IL1RL1: variants seen among roughly 807,000 people sequenced by gnomAD.
The protein encoded by IL1RL1 is interleukin 1 receptor like 1, also known as interleukin-1 receptor-like 1.
In IL1RL1, 32 loss-of-function variants were observed where a neutral mutation model predicts 50.9. The ratio of observed to expected loss-of-function variants is 0.63; its 90% confidence interval spans 0.47 to 0.84. The LOEUF (loss-of-function observed/expected upper bound fraction) is 0.84, where lower values mean the gene tolerates loss of function less well. Ranked by LOEUF, IL1RL1 falls within the 40% of genes least tolerant of loss-of-function variation. The pLI is 0.00. For missense variants in IL1RL1, 773 were observed against 662.9 expected (o/e 1.17, Z -1.82); for synonymous variants, 275 against 236.0 (o/e 1.17, Z -1.51).
chr2:102,326,679 C>G (rs868308876), intron 1 of IL1RL1, among the ~76,000 whole-genome samples: 5 of 151,240 alleles, frequency 3.3e-5, no homozygotes, highest in African/African-American at 1.2e-4. Context: ...AAATGGAAAA[C>G]AAAAAAAAGG....
At chr2:102,320,446 T>A (rs1676803017) in intron 1 of IL1RL1, among the ~76,000 whole-genome samples, 1 of 152,152 alleles carries the variant, frequency 6.6e-6, no homozygotes. Flanking sequence ...GTCTCATGGG[T>A]TTAATTTCAT....
At chr2:102,321,566 C>T (rs915792261) in intron 1 of IL1RL1, among the ~76,000 whole-genome samples, 5 of 152,088 alleles carry the variant, frequency 3.3e-5, no homozygotes, top group South Asian at 2.1e-4. Flanking sequence ...ATAGCCACTG[C>T]CCCCGACCCT....
At position 102,349,244 on chromosome 2, in the gene IL1RL1, A is replaced by G; in HGVS notation, c.1283A>G (p.Glu428Gly). The G allele has an allele frequency of 6.2e-7, 1 of 1,612,994 alleles. No individual in the cohort carries two copies. ...CIYGRDMLPG[E>G]DVVTAVETNI... ...TATGGGAGAGATATGCTACCTGGAG[A>G]AGGTAAAGCTATTGACATACATTAG... Residue 428 changes from glutamate to glycine, a missense_variant and splice_region_variant, in exon 10 of 11, where the codon GAA becomes GGA. Transcript: ENST00000233954.
At chr2:102,338,714 C>G (rs1256595175) in intron 2 of IL1RL1, 123 bp from the exon 3 acceptor site, 1 of 703,600 alleles carries the variant, frequency 1.4e-6, no homozygotes, top group African/African-American at 1.8e-5. Flanking sequence ...TTATTCTTTC[C>G]CAAGGTATCA....
At chr2:102,325,993 T>C (rs2104969217) in intron 1 of IL1RL1, among the ~76,000 whole-genome samples, 1 of 152,166 alleles carries the variant, frequency 6.6e-6, no homozygotes, top group East Asian at 1.9e-4. Flanking sequence ...ATTCAGGAAA[T>C]ACAGAGAACA....
chr2:102,323,273 A>ATATATATATATATATATAGT lies in IL1RL1; in HGVS notation c.-150+11650_-150+11651insTATATATATATATATATAGT, dbSNP rs1303334375. ...TATATATATATATATATATATATAT[A>ATATATATATATATATATAGT]GTGTGTGTGTGTGTGTGTGTGTATA... On this transcript the variant is annotated intron_variant, in intron 1 of 10. Transcript: ENST00000233954. Among the ~76,000 whole-genome samples the ATATATATATATATATATAGT allele has an allele frequency of 2.0e-3, 98 of 48,414 alleles. 1 individual carries two copies. Among genetic ancestry groups the ATATATATATATATATATAGT allele is most frequent in the South Asian group, 5.3e-3 (8 of 1,510 alleles). The allele number at this position is 48,414 out of a possible 152,430, so 31.8% of individuals were successfully genotyped here. A position where few individuals can be genotyped will look rare whatever the true frequency, so the allele number is the denominator to read the frequency against.
chr2:102,330,735 G>T (rs571546806), intron 1 of IL1RL1, among the ~76,000 whole-genome samples: 43 of 152,220 alleles, frequency 2.8e-4, no homozygotes, highest in Middle Eastern at 3.4e-3. Flanking sequence ...TGAGTATTTT[G>T]TCTGGACTGT....
intron 1 of IL1RL1, among the ~76,000 whole-genome samples, chr2:102,334,471 C>T (rs1170792614): frequency 1.3e-5 from 2 of 152,060 alleles, no homozygotes; most frequent in Non-Finnish European, 2.9e-5. Context: ...CCAGGCTAGG[C>T]CGTCTAGGGG....
Position 102,343,369 on chromosome 2 carries a change from G to A in IL1RL1, c.924G>A (p.Leu308=). 1.2e-6 allele frequency: 2 copies of A among 1,614,198 alleles called. No individual in the cohort carries two copies. The highest frequency in any genetic ancestry group is 1.7e-6 in the Non-Finnish European group (2 of 1,180,032). Residue 308 remains leucine, a synonymous_variant, in exon 8 of 11, where the codon TTG becomes TTA. Coordinates refer to ENST00000233954, the MANE Select transcript of IL1RL1 (RefSeq NM_016232.5). ...LLQYDCLALN[L]HGLRRHTVRL... Reference sequence around the variant, plus strand: ...AGTACGACTGTCTGGCCCTGAATTTGCATGGCTTGAGAAGGCACACCGTAA... The same window carrying A: ...AGTACGACTGTCTGGCCCTGAATTTACATGGCTTGAGAAGGCACACCGTAA...
chr2:102,328,844 C>G (rs1327907471), intron 1 of IL1RL1, among the ~76,000 whole-genome samples: 1 of 152,124 alleles, frequency 6.6e-6, no homozygotes, highest in African/African-American at 2.4e-5. Flanking sequence ...AAGGAGGATA[C>G]AAACAAATGG....
chr2:102,339,096 C>T (rs1181368548), intron 3 of IL1RL1, 49 bp downstream of exon 3: 1 of 1,365,830 alleles, frequency 7.3e-7, no homozygotes, highest in Admixed American at 1.7e-5. Context: ...CCCCTTTCTT[C>T]AGTGGTTGAT....
intron 1 of IL1RL1, among the ~76,000 whole-genome samples, chr2:102,318,827 G>T (rs1267636938): frequency 6.6e-6 from 1 of 152,100 alleles, no homozygotes; most frequent in Non-Finnish European, 1.5e-5. Context: ...GCAGGACTGA[G>T]GATTCCTAAG....
At chr2:102,323,249 A>T (rs66780767) in intron 1 of IL1RL1, among the ~76,000 whole-genome samples, 69,591 of 134,958 alleles carry the variant, frequency 0.52, 17,247 homozygotes, top group Middle Eastern at 0.65. Context: ...GTTAGGTTTT[A>T]TATATATATA....
chr2:102,350,012 T>G (rs191912006), intron 10 of IL1RL1, among the ~76,000 whole-genome samples: 1 of 152,186 alleles, frequency 6.6e-6, no homozygotes, highest in African/African-American at 2.4e-5. Flanking sequence ...TGCCTATAGA[T>G]GTAAAGGTAT....
intron 1 of IL1RL1, among the ~76,000 whole-genome samples, chr2:102,332,848 A>AT (rs1382606355): frequency 6.6e-6 from 1 of 151,768 alleles, no homozygotes; most frequent in South Asian, 2.1e-4. Flanking sequence ...TCAGAAGCAA[A>AT]AAAAGAACAG....
At chr2:102,311,884 A>T (rs1381204234) in intron 1 of IL1RL1, among the ~76,000 whole-genome samples, 1 of 38,826 alleles carries the variant, frequency 2.6e-5, no homozygotes, top group Non-Finnish European at 4.4e-5. Flanking sequence ...TATATAATAT[A>T]ATATATAATA....
chr2:102,351,439 A>T, intron 10 of IL1RL1, 97 bp from the exon 11 acceptor site: 2 of 1,106,648 alleles, frequency 1.8e-6, no homozygotes, highest in Non-Finnish European at 2.6e-6. Context: ...AGAGAATCTC[A>T]CACCAGATTA....
intron 5 of IL1RL1, chr2:102,341,328 C>A (rs1249572370): frequency 4.9e-6 from 6 of 1,235,500 alleles, no homozygotes; most frequent in Non-Finnish European, 6.2e-6. Context: ...TCTTTGTTTG[C>A]AATACTTTCA....
In IL1RL1 at chr2:102,313,843, G is replaced by A. The variant is rs28459707; in HGVS notation, c.-150+2220G>A. On this transcript the variant is annotated intron_variant, in intron 1 of 10. Transcript: ENST00000233954. ...TGTGTGCACGAGTGTGTGTGTGTGCGTGCACTTGCATGCGCGTGCATGTGC... is the reference window on the plus strand; with the variant it reads ...TGTGTGCACGAGTGTGTGTGTGTGCATGCACTTGCATGCGCGTGCATGTGC... Among the ~76,000 whole-genome samples the A allele has an allele frequency of 5.5e-3, 844 of 152,304 alleles. 16 individuals are homozygous for A. Among genetic ancestry groups the A allele is most frequent in the African/African-American group, 0.019 (801 of 41,564 alleles).
Sources: gnomAD v4.1 joint callset for allele counts (sites outside exome capture counted in the v4.1 genomes callset) on GRCh38, gnomAD v4.1.1 for gene constraint, MANE v1.5 for transcripts, NCBI Gene and HGNC (gene_info 2026-07-23, HGNC 2026-07-21) for gene names.